Variants in MACROD2 observed in about 807,000 individuals in gnomAD.
MACROD2 encodes ADP-ribose glycohydrolase MACROD2.
Under a neutral mutation model 70.4 loss-of-function variants are expected in MACROD2, and 36 were observed. The observed-to-expected ratio is 0.51, with a 90% CI of 0.39 to 0.68. The LOEUF (loss-of-function observed/expected upper bound fraction) is 0.68, where lower values mean the gene tolerates loss of function less well. Among genes scored for constraint, MACROD2 ranks in the 30% least tolerant of loss-of-function variants. The pLI, the probability that MACROD2 is intolerant of heterozygous loss-of-function variation, is 0.00. For synonymous variants in MACROD2, 172 were observed against 178.8 expected (o/e 0.96, Z 0.30); for missense variants, 496 against 538.4 (o/e 0.92, Z 0.78).
chr20:14,717,533 A>AG (rs1400533528), intron 5 of MACROD2, among the ~76,000 whole-genome samples: 61 of 125,940 alleles, frequency 4.8e-4, no homozygotes, highest in African/African-American at 1.6e-3. Flanking sequence ...CCTTTTATGT[A>AG]GTTTTTTTTT....
At chr20:14,172,707 A>C (rs552918148) in intron 3 of MACROD2, among the ~76,000 whole-genome samples, 5 of 152,168 alleles carry the variant, frequency 3.3e-5, no homozygotes, top group African/African-American at 7.2e-5. Flanking sequence ...TTTTTGCCTG[A>C]ATACCTTGGT....
intron 5 of MACROD2, among the ~76,000 whole-genome samples, chr20:15,079,404 G>A (rs1314827372): frequency 6.6e-6 from 1 of 151,916 alleles, no homozygotes; most frequent in Non-Finnish European, 1.5e-5. Flanking sequence ...TCCCTGCACA[G>A]TCATACTCTT....
At chr20:14,294,795 A>G (rs2082413512) in intron 3 of MACROD2, among the ~76,000 whole-genome samples, 1 of 151,834 alleles carries the variant, frequency 6.6e-6, no homozygotes, top group East Asian at 1.9e-4. Context: ...AAAGTGAACC[A>G]TATGTTTAGC....
At chr20:14,474,964 G>T (rs796966235) in intron 3 of MACROD2, among the ~76,000 whole-genome samples, 1 of 152,030 alleles carries the variant, frequency 6.6e-6, no homozygotes, top group African/African-American at 2.4e-5. Context: ...CAAGGTAATT[G>T]TTGATAGGTA....
chr20:14,998,322 G>C (rs769065354), intron 5 of MACROD2, among the ~76,000 whole-genome samples: 5 of 152,150 alleles, frequency 3.3e-5, no homozygotes, highest in African/African-American at 7.2e-5. Flanking sequence ...TGACCTTTCA[G>C]ATGGAGAATT....
At chr20:15,112,972 G>GTGTGTGTGTGTGTC (rs1555783893) in intron 5 of MACROD2, among the ~76,000 whole-genome samples, 2 of 151,826 alleles carry the variant, frequency 1.3e-5, no homozygotes, top group Non-Finnish European at 2.9e-5. Context: ...GTGTGTGTGT[G>GTGTGTGTGTGTGTC]TGTGTGTGTT....
At chr20:14,644,316 C>A (rs1985256684) in intron 4 of MACROD2, among the ~76,000 whole-genome samples, 1 of 152,086 alleles carries the variant, frequency 6.6e-6, no homozygotes, top group South Asian at 2.1e-4. Context: ...AAGCTGTGAT[C>A]AAAAATGTGA....
At chr20:14,088,606 A>G (rs1188497070) in intron 3 of MACROD2, among the ~76,000 whole-genome samples, 1 of 152,182 alleles carries the variant, frequency 6.6e-6, no homozygotes, top group Non-Finnish European at 1.5e-5. Context: ...CACTCTCACA[A>G]GTTTTCTCCT....
At chr20:14,330,851 A>T (rs774146286) in intron 3 of MACROD2, among the ~76,000 whole-genome samples, 32 of 152,088 alleles carry the variant, frequency 2.1e-4, no homozygotes, top group Non-Finnish European at 4.3e-4. Flanking sequence ...GAAAATGGAA[A>T]ACCAAGCTGC....
At chr20:14,463,168 C>T (rs2084393432) in intron 3 of MACROD2, among the ~76,000 whole-genome samples, 2 of 152,056 alleles carry the variant, frequency 1.3e-5, no homozygotes, top group Non-Finnish European at 2.9e-5. Flanking sequence ...TACCCATGAG[C>T]ATGGAATGTT....
At chr20:14,835,442 G>T (rs751983785) in intron 5 of MACROD2, among the ~76,000 whole-genome samples, 3 of 152,074 alleles carry the variant, frequency 2.0e-5, no homozygotes, top group South Asian at 2.1e-4. Context: ...CATCATGGAA[G>T]TTTGTTAGCC....
At chr20:15,797,379 T>C (rs776909585) in intron 8 of MACROD2, among the ~76,000 whole-genome samples, 19 of 152,192 alleles carry the variant, frequency 1.2e-4, no homozygotes, top group Admixed American at 3.9e-4. Flanking sequence ...CCTCCCAAAG[T>C]GCTGGGATTA....
At chr20:14,640,826 C>G (rs138121779) in intron 4 of MACROD2, among the ~76,000 whole-genome samples, 1 of 152,166 alleles carries the variant, frequency 6.6e-6, no homozygotes, top group Non-Finnish European at 1.5e-5. Context: ...ATCATCTGAG[C>G]CTTCAACAAG....
chr20:15,643,196 C>T (rs1378231836), intron 8 of MACROD2, among the ~76,000 whole-genome samples: 1 of 152,154 alleles, frequency 6.6e-6, no homozygotes, highest in Non-Finnish European at 1.5e-5. Flanking sequence ...ACCTGACCTG[C>T]TTACATGTTA....
At chr20:15,323,234 C>T (rs1432407016) in intron 6 of MACROD2, among the ~76,000 whole-genome samples, 1 of 152,190 alleles carries the variant, frequency 6.6e-6, no homozygotes, top group Admixed American at 6.5e-5. Context: ...CTTCACCATC[C>T]TGCCATCACT....
intron 3 of MACROD2, among the ~76,000 whole-genome samples, chr20:14,179,722 T>C (rs964218289): frequency 6.6e-5 from 10 of 152,144 alleles, no homozygotes. Flanking sequence ...GATATGATAT[T>C]TGTGCCAGAA....
intron 5 of MACROD2, among the ~76,000 whole-genome samples, chr20:15,009,190 C>T (rs2075062869): frequency 6.6e-6 from 1 of 152,062 alleles, no homozygotes; most frequent in South Asian, 2.1e-4. Context: ...GGGTGTCCAC[C>T]CAGGTCTCTG....
chr20:15,427,411 G>T (rs1215203711), intron 6 of MACROD2, among the ~76,000 whole-genome samples: 3 of 152,220 alleles, frequency 2.0e-5, no homozygotes, highest in African/African-American at 7.2e-5. Flanking sequence ...TCTGATAGGA[G>T]AAAGATTCAC....
chr20:16,028,753 G>A lies in MACROD2; in HGVS notation c.1154-12448G>A, dbSNP rs376713783. ...TTTGACTTTGGAGAGGGGGCCAAATGTGTGTGTCTACAGTGTTTGTCCAAG... is the reference window on the plus strand; with the variant it reads ...TTTGACTTTGGAGAGGGGGCCAAATATGTGTGTCTACAGTGTTTGTCCAAG... On this transcript the variant is annotated intron_variant, in intron 15 of 17. Coordinates refer to ENST00000684519, the MANE Select transcript of MACROD2 (RefSeq NM_001351661.2). Among the ~76,000 whole-genome samples, 9 of 152,280 alleles carry A rather than the reference G, an allele frequency of 5.9e-5. No homozygotes were observed. The South Asian group carries it at 8.3e-4, about 14-fold the overall frequency.
Sources: allele counts gnomAD v4.1 joint callset (sites outside exome capture counted in the v4.1 genomes callset), GRCh38; gene constraint gnomAD v4.1.1; transcripts MANE v1.5; gene names NCBI Gene and HGNC (gene_info 2026-07-23, HGNC 2026-07-21).